Variants in MARCKS observed in about 807,000 individuals in gnomAD.
The protein encoded by MARCKS is myristoylated alanine-rich C-kinase substrate.
MARCKS carries 4 observed loss-of-function variants against 6.3 expected under a neutral mutation model. The observed-to-expected ratio is 0.63, with a 90% confidence interval of 0.31 to 1.45. The LOEUF (loss-of-function observed/expected upper bound fraction) is 1.45. Ranked by LOEUF, MARCKS falls within the 40% of genes most tolerant of loss-of-function variation. The probability of loss-of-function intolerance (pLI) is 0.07; values close to 1 mark genes in which losing one functional copy is unlikely to be tolerated. For missense variants in MARCKS, 636 were observed against 485.7 expected, an observed-to-expected ratio of 1.31 and a Z score of -2.91; for synonymous variants, 289 against 236.5, an observed-to-expected ratio of 1.22 and a Z score of -2.04.
chr6:113,859,900 C>A lies in MARCKS; in HGVS notation c.320C>A (p.Ala107Asp). ...GGGGCCAGCCCGGTAGAGAAGGAGG[C>A]CCCCGCGGAAGGCGAGGCTGCCGAG... The part of the protein sequence containing the change: ...EAGASPVEKE[A>D]PAEGEAAEPG... The change falls in exon 2 of 2, where the codon GCC (alanine) becomes GAC (aspartate). Residue 107 changes from alanine (A) to aspartate (D), a missense_variant. Physicochemically the swap from Ala to Asp is moderately radical, Grantham distance 126 (BLOSUM62 -2). Coordinates refer to ENST00000612661, the MANE Select transcript of MARCKS (RefSeq NM_002356.7). 1 of 1,444,192 alleles carries A rather than the reference C, an allele frequency of 6.9e-7. No homozygotes were observed. Among genetic ancestry groups the A allele is most frequent in the East Asian group, 3.1e-5 (1 of 32,222 alleles). The allele number at this position is 1,444,192 out of a possible 1,614,324, so 89.5% of individuals were successfully genotyped here.
At position 113,859,912 on chromosome 6, in the gene MARCKS, G is replaced by GCGAGGCTGC; in HGVS notation, c.337_345dup (p.Ala113_Glu115dup). The GCGAGGCTGC allele has an allele frequency of 6.9e-7, 1 of 1,454,888 alleles. No individual in the cohort carries two copies. The highest frequency in any genetic ancestry group is 9.0e-7 in the Non-Finnish European group (1 of 1,107,204). 90.1% of individuals were successfully genotyped at this position (1,454,888 alleles called of 1,614,324 possible). On this transcript the variant is annotated inframe_insertion, in exon 2 of 2. Transcript: ENST00000612661. ...GTAGAGAAGGAGGCCCCCGCGGAAG[G>GCGAGGCTGC]CGAGGCTGCCGAGCCCGGCTCGCCC... is the stretch of plus-strand genomic sequence containing the variant.
rs1004569012 is a variant in MARCKS, at chr6:113,860,238, G to C, written c.658G>C (p.Glu220Gln). Reference protein sequence around the residue: ...ASGEQAAAPGEEAAAGEEGAA... With the variant: ...ASGEQAAAPGQEAAAGEEGAA... ...CGGGGAGCAGGCAGCGGCGCCGGGC[G>C]AGGAGGCGGCAGCGGGCGAGGAGGG... Residue 220 changes from glutamate (E) to glutamine (Q), a missense_variant, in exon 2 of 2, where the codon GAG becomes CAG. Coordinates refer to ENST00000612661, the MANE Select transcript of MARCKS (RefSeq NM_002356.7). The C allele has an allele frequency of 1.9e-6, 2 of 1,077,494 alleles. No homozygotes were observed. Among genetic ancestry groups the C allele is most frequent in the Admixed American group, 5.6e-5 (1 of 17,874 alleles). 66.7% of individuals were successfully genotyped at this position (1,077,494 alleles called of 1,614,324 possible). A position where few individuals can be genotyped will look rare whatever the true frequency, so the allele number is the denominator to read the frequency against.
intron 1 of MARCKS, among the ~76,000 whole-genome samples, chr6:113,859,321 G>C (rs1045355423): frequency 6.6e-6 from 1 of 152,252 alleles, no homozygotes; most frequent in East Asian, 1.9e-4. Flanking sequence ...GTGTCAACTA[G>C]TCCCTGGCAC....
In MARCKS at chr6:113,860,021, C is replaced by T; in HGVS notation, c.441C>T (p.Ser147=). 1 of 1,568,008 alleles carries T rather than the reference C, an allele frequency of 6.4e-7. No individual in the cohort carries two copies. Among genetic ancestry groups the T allele is most frequent in the South Asian group, 1.1e-5 (1 of 88,804 alleles). ...KAEDGATPSP[S]NETPKKKKKR... ...AGGACGGGGCCACGCCCTCGCCCAG[C>T]AACGAGACCCCGAAAAAAAAAAAGA... Residue 147 remains serine (S), a synonymous_variant, in exon 2 of 2, where the codon AGC becomes AGT. Coordinates refer to ENST00000612661, the MANE Select transcript of MARCKS (RefSeq NM_002356.7).
chr6:113,857,666 C>T lies in MARCKS; in HGVS notation c.-80C>T. 2 of 860,864 alleles carry T rather than the reference C, an allele frequency of 2.3e-6. No homozygotes were observed. The highest frequency in any genetic ancestry group is 1.4e-5 in the South Asian group (1 of 69,854). 53.3% of individuals were successfully genotyped at this position (860,864 alleles called of 1,614,324 possible). Reference sequence around the variant, plus strand: ...GTTGCCGCCGCCGCTGCTGCTGCTGCTCGCCCCGTCGTTACACCAACCCGA... The same window carrying T: ...GTTGCCGCCGCCGCTGCTGCTGCTGTTCGCCCCGTCGTTACACCAACCCGA... On this transcript the variant is annotated 5_prime_UTR_variant, in exon 1 of 2. Coordinates refer to ENST00000612661, the MANE Select transcript of MARCKS (RefSeq NM_002356.7).
rs45535333 is a variant in MARCKS, at chr6:113,860,153, C to A, written c.573C>A (p.Gly191=). The change falls in exon 2 of 2, where the codon GGC becomes GGA. Residue 191 remains glycine (G), a synonymous_variant. Coordinates refer to ENST00000612661, the MANE Select transcript of MARCKS (RefSeq NM_002356.7). ...GGEAEAPAAE[G]GKDEAAGGAA... Reference sequence around the variant, plus strand: ...AGGCTGAGGCGCCCGCTGCCGAAGGCGGCAAGGACGAGGCCGCCGGGGGCG... The same window carrying A: ...AGGCTGAGGCGCCCGCTGCCGAAGGAGGCAAGGACGAGGCCGCCGGGGGCG... 6 of 1,430,382 alleles carry A rather than the reference C, an allele frequency of 4.2e-6. No homozygotes were observed. The highest frequency in any genetic ancestry group is 5.5e-6 in the Non-Finnish European group (6 of 1,087,086). 88.6% of individuals were successfully genotyped at this position (1,430,382 alleles called of 1,614,324 possible).
chr6:113,859,727 C>T lies in MARCKS; in HGVS notation c.147C>T (p.Ala49=). The part of the protein sequence containing the change: ...VKVNGDASPA[A]AESGAKEELQ... ...TAAACGGCGACGCTTCGCCCGCGGCCGCCGAGTCGGGCGCCAAGGAGGAGC... is the reference window on the plus strand; with the variant it reads ...TAAACGGCGACGCTTCGCCCGCGGCTGCCGAGTCGGGCGCCAAGGAGGAGC... Residue 49 remains alanine (A), a synonymous_variant, in exon 2 of 2, where the codon GCC becomes GCT. Coordinates refer to ENST00000612661, the MANE Select transcript of MARCKS (RefSeq NM_002356.7). The T allele has an allele frequency of 1.3e-6, 2 of 1,501,406 alleles. No homozygotes were observed. Among genetic ancestry groups the T allele is most frequent in the Non-Finnish European group, 1.8e-6 (2 of 1,126,062 alleles). 93.0% of individuals were successfully genotyped at this position (1,501,406 alleles called of 1,614,324 possible).
At position 113,862,312 on chromosome 6, in the gene MARCKS, A is replaced by G. The variant is rs1774912440; in HGVS notation, c.*1733A>G. ...TTAGTGCTTGGCTAATTTCCAAATTATTGCATAATATGTTCTACCTTAAGA... is the reference window on the plus strand; with the variant it reads ...TTAGTGCTTGGCTAATTTCCAAATTGTTGCATAATATGTTCTACCTTAAGA... On this transcript the variant is annotated 3_prime_UTR_variant, in exon 2 of 2. Transcript: ENST00000612661. 1 of 151,896 alleles carries G rather than the reference A, an allele frequency of 6.6e-6. No individual in the cohort carries two copies. The highest frequency in any genetic ancestry group is 2.1e-4 in the South Asian group (1 of 4,814). 9.4% of individuals were successfully genotyped at this position (151,896 alleles called of 1,614,324 possible).
intron 1 of MARCKS, 72 bp downstream of exon 1, chr6:113,857,919 C>T: frequency 8.0e-7 from 1 of 1,255,490 alleles, no homozygotes; most frequent in Non-Finnish European, 1.1e-6. Context: ...GCTCCCAAGG[C>T]TCATTCGTGG....
Position 113,859,946 on chromosome 6 carries a change from G to A in MARCKS, c.366G>A (p.Ala122=), listed in dbSNP as rs111973404. 4.0e-6 allele frequency: 6 copies of A among 1,496,282 alleles called. No homozygotes were observed. The highest frequency in any genetic ancestry group is 4.4e-6 in the Non-Finnish European group (5 of 1,128,378). 92.7% of individuals were successfully genotyped at this position (1,496,282 alleles called of 1,614,324 possible). ...CCGAGCCCGGCTCGCCCACGGCCGCGGAGGGAGAGGCCGCGTCGGCCGCCT... is the reference window on the plus strand; with the variant it reads ...CCGAGCCCGGCTCGCCCACGGCCGCAGAGGGAGAGGCCGCGTCGGCCGCCT... The part of the protein sequence containing the change: ...EAAEPGSPTA[A]EGEAASAASS... The change falls in exon 2 of 2, where the codon GCG becomes GCA. Residue 122 remains alanine (A), a synonymous_variant. Transcript: ENST00000612661.
rs1297807348 is a variant in MARCKS at position 113,860,324 on chromosome 6, G to A, written c.744G>A (p.Lys248=). 1 of 1,302,522 alleles carries A rather than the reference G, an allele frequency of 7.7e-7. No homozygotes were observed. The highest frequency in any genetic ancestry group is 1.0e-6 in the Non-Finnish European group (1 of 1,000,384). 80.7% of individuals were successfully genotyped at this position (1,302,522 alleles called of 1,614,324 possible). A position where few individuals can be genotyped will look rare whatever the true frequency, so the allele number is the denominator to read the frequency against. Residue 248 remains lysine, a synonymous_variant, in exon 2 of 2, where the codon AAG becomes AAA. Coordinates refer to ENST00000612661, the MANE Select transcript of MARCKS (RefSeq NM_002356.7). The stretch of plus-strand genomic sequence containing the variant: ...AGGAGGCCGCTGTCGCGCCAGAGAA[G>A]CCGCCCGCCAGCGACGAGACCAAGG... ...KPQEAAVAPE[K]PPASDETKAA...
chr6:113,858,479 A>C (rs1774822538), intron 1 of MARCKS, among the ~76,000 whole-genome samples: 3 of 152,180 alleles, frequency 2.0e-5, no homozygotes, highest in Admixed American at 2.0e-4. Flanking sequence ...TTACACATCC[A>C]TTTGATTTTT....
At chr6:113,858,291 G>A (rs1221930979) in intron 1 of MARCKS, among the ~76,000 whole-genome samples, 3 of 151,966 alleles carry the variant, frequency 2.0e-5, no homozygotes, top group East Asian at 1.9e-4. Flanking sequence ...GGAAAGGGGG[G>A]CGCAATGGGG....
chr6:113,857,676 C>A lies in MARCKS; in HGVS notation c.-70C>A. On this transcript the variant is annotated 5_prime_UTR_variant, in exon 1 of 2. Transcript: ENST00000612661. ...CCGCTGCTGCTGCTGCTCGCCCCGT[C>A]GTTACACCAACCCGAGGCTCTTTGT... is the stretch of plus-strand genomic sequence containing the variant. 2 of 1,118,858 alleles carry A rather than the reference C, an allele frequency of 1.8e-6. No individual in the cohort carries two copies. The highest frequency in any genetic ancestry group is 1.2e-6 in the Non-Finnish European group (1 of 809,500). 69.3% of individuals were successfully genotyped at this position (1,118,858 alleles called of 1,614,324 possible).
chr6:113,858,639 C>T (rs1340251850), intron 1 of MARCKS, among the ~76,000 whole-genome samples: 1 of 152,198 alleles, frequency 6.6e-6, no homozygotes, highest in African/African-American at 2.4e-5. Context: ...GCTGCCCGGA[C>T]CCAGGCAGAT....
rs538925937 is a variant in MARCKS at position 113,860,430 on chromosome 6, G to C, written c.850G>C (p.Ala284Pro). 854 of 1,155,736 alleles carry C rather than the reference G, an allele frequency of 7.4e-4. 7 individuals carry two copies. In the East Asian group the frequency reaches 0.018, roughly 24 times the overall value. The allele number at this position is 1,155,736 out of a possible 1,614,324, so 71.6% of individuals were successfully genotyped here. Residue 284 changes from alanine (A) to proline (P), a missense_variant, in exon 2 of 2, where the codon GCC (alanine) becomes CCC (proline). Transcript: ENST00000612661. Reference protein sequence around the residue: ...ASAAACEAPSAAGPGAPPEQE... With the variant: ...ASAAACEAPSPAGPGAPPEQE... ...CGCCGCCGCCTGCGAGGCCCCCTCC[G>C]CCGCCGGGCCCGGCGCGCCCCCGGA...
Position 113,860,254 on chromosome 6 carries a change from G to T in MARCKS, c.674G>T (p.Gly225Val). The change falls in exon 2 of 2, where the codon GGC (glycine) becomes GTC (valine). Residue 225 changes from glycine (G) to valine (V), a missense_variant. Physicochemically the swap from Gly to Val is moderately radical, Grantham distance 109. Transcript: ENST00000612661. The stretch of plus-strand genomic sequence containing the variant: ...GCGCCGGGCGAGGAGGCGGCAGCGG[G>T]CGAGGAGGGGGCGGCGGGTGGCGAC... ...AAAPGEEAAA[G>V]EEGAAGGDPQ... 8.9e-7 allele frequency: 1 copy of T among 1,121,764 alleles called. No individual in the cohort carries two copies. Among genetic ancestry groups the T allele is most frequent in the Non-Finnish European group, 1.1e-6 (1 of 909,546 alleles). The allele number at this position is 1,121,764 out of a possible 1,614,324, so 69.5% of individuals were successfully genotyped here. A position where few individuals can be genotyped will look rare whatever the true frequency, so the allele number is the denominator to read the frequency against.
In MARCKS at chr6:113,860,405, C is replaced by T; in HGVS notation, c.825C>T (p.Ser275=). ...EEKKAEEAGA[S]AAACEAPSAA... ...AAAAGGCCGAGGAGGCCGGGGCCAG[C>T]GCCGCCGCCTGCGAGGCCCCCTCCG... The change falls in exon 2 of 2, where the codon AGC becomes AGT. Residue 275 remains serine (S), a synonymous_variant. Coordinates refer to ENST00000612661, the MANE Select transcript of MARCKS (RefSeq NM_002356.7). 2 of 1,158,374 alleles carry T rather than the reference C, an allele frequency of 1.7e-6. No individual in the cohort carries two copies. Among genetic ancestry groups the T allele is most frequent in the South Asian group, 2.3e-5 (1 of 44,202 alleles). 71.8% of individuals were successfully genotyped at this position (1,158,374 alleles called of 1,614,324 possible). A position where few individuals can be genotyped will look rare whatever the true frequency, so the allele number is the denominator to read the frequency against.
chr6:113,860,125 G>GTGAGGC lies in MARCKS; in HGVS notation c.552_557dup (p.Glu185_Ala186dup), dbSNP rs747922228. On this transcript the variant is annotated inframe_insertion, in exon 2 of 2. Coordinates refer to ENST00000612661, the MANE Select transcript of MARCKS (RefSeq NM_002356.7). ...AACAAGAAGGAGGCTGGAGAAGGCG[G>GTGAGGC]TGAGGCTGAGGCGCCCGCTGCCGAA... is the stretch of plus-strand genomic sequence containing the variant. 7,666 of 1,536,544 alleles carry GTGAGGC rather than the reference G, an allele frequency of 5.0e-3. 27 individuals are homozygous for GTGAGGC. The highest frequency in any genetic ancestry group is 5.8e-3 in the Non-Finnish European group (6,577 of 1,140,260).
Sources: allele counts gnomAD v4.1 joint callset (sites outside exome capture counted in the v4.1 genomes callset), GRCh38; gene constraint gnomAD v4.1.1; transcripts MANE v1.5; gene names NCBI Gene and HGNC (gene_info 2026-07-23, HGNC 2026-07-21).